The following NBAS variants were observed in gnomAD, a reference collection of about 807,000 sequenced individuals.
NBAS encodes NBAS subunit of NRZ tethering complex.
NBAS carries 219 observed loss-of-function variants against 302.5 expected under a neutral mutation model. The observed-to-expected ratio is 0.72, with a 90% confidence interval of 0.65 to 0.81. NBAS has a LOEUF of 0.81. Ranked by LOEUF, NBAS falls within the 30% of genes least tolerant of loss-of-function variation. The pLI is 0.00. For synonymous variants in NBAS, 1,118 were observed against 1,021.6 expected, an observed-to-expected ratio of 1.09 and a Z score of -1.80; for missense variants, 2,932 against 2,841.6, an observed-to-expected ratio of 1.03 and a Z score of -0.72.
At chr2:15,113,199 G>T in the NBAS span, among the ~76,000 whole-genome samples, 1 of 151,970 alleles carries the variant, frequency 6.6e-6, no homozygotes, top group Non-Finnish European at 1.5e-5. Context: ...GGGGTAGGGG[G>T]GCCTTGAGAA....
chr2:15,227,262 G>T (rs1379437492), intron 47 of NBAS, among the ~76,000 whole-genome samples: 1 of 151,956 alleles, frequency 6.6e-6, no homozygotes, highest in Non-Finnish European at 1.5e-5. Flanking sequence ...TTACAAGTCA[G>T]CTGTGAAAAA....
At chr2:15,243,129 G>C (rs1667936159) in intron 44 of NBAS, among the ~76,000 whole-genome samples, 1 of 152,136 alleles carries the variant, frequency 6.6e-6, no homozygotes, top group African/African-American at 2.4e-5. Context: ...AAAGAGCACT[G>C]CAACGGTTCT....
intron 28 of NBAS, among the ~76,000 whole-genome samples, chr2:15,384,267 G>A (rs1675182162): frequency 6.6e-6 from 1 of 152,172 alleles, no homozygotes; most frequent in Non-Finnish European, 1.5e-5. Context: ...TTCACCCATA[G>A]TCACAAATTG....
the NBAS span, among the ~76,000 whole-genome samples, chr2:14,888,599 T>A: frequency 6.6e-6 from 1 of 152,194 alleles, no homozygotes; most frequent in Admixed American, 6.5e-5. Context: ...ATTTTTTTAA[T>A]ATCAACACTG....
At chr2:15,209,964 A>G (rs1305126138) in intron 48 of NBAS, among the ~76,000 whole-genome samples, 1 of 152,166 alleles carries the variant, frequency 6.6e-6, no homozygotes, top group Non-Finnish European at 1.5e-5. Flanking sequence ...ACCATATATA[A>G]AAATCAAATC....
intron 48 of NBAS, among the ~76,000 whole-genome samples, chr2:15,214,924 T>G (rs1244110130): frequency 6.6e-6 from 1 of 152,168 alleles, no homozygotes; most frequent in East Asian, 1.9e-4. Context: ...AATTCAGACA[T>G]ACTGAAATTT....
chr2:15,372,261 T>C (rs1202578618), intron 31 of NBAS, among the ~76,000 whole-genome samples: 32 of 152,110 alleles, frequency 2.1e-4, no homozygotes, highest in Non-Finnish European at 2.9e-5. Context: ...GAAAAGCATA[T>C]ACATATACAC....
At chr2:15,361,083 T>C (rs1051577449) in intron 32 of NBAS, among the ~76,000 whole-genome samples, 5 of 152,244 alleles carry the variant, frequency 3.3e-5, no homozygotes, top group Non-Finnish European at 7.3e-5. Flanking sequence ...TAACGTGTTA[T>C]AACGGCTGAT....
At chr2:15,165,289 G>C (rs1572381275), downstream of NBAS, among the ~76,000 whole-genome samples, 1 of 152,328 alleles carries the variant, frequency 6.6e-6, no homozygotes, top group East Asian at 1.9e-4. Flanking sequence ...AGAGCTCTAG[G>C]AAGCTTTTTT....
the NBAS span, among the ~76,000 whole-genome samples, chr2:15,130,141 A>G: frequency 6.6e-6 from 1 of 152,200 alleles, no homozygotes; most frequent in African/African-American, 2.4e-5. Flanking sequence ...AAATTCAATT[A>G]TAGAAGATGT....
At chr2:15,402,851 A>G (rs1465659436) in intron 25 of NBAS, among the ~76,000 whole-genome samples, 3 of 152,192 alleles carry the variant, frequency 2.0e-5, no homozygotes, top group Non-Finnish European at 4.4e-5. Flanking sequence ...ACTTAGGGTG[A>G]CTTTCTGTAT....
At chr2:15,119,529 C>T in the NBAS span, among the ~76,000 whole-genome samples, 38 of 152,038 alleles carry the variant, frequency 2.5e-4, no homozygotes, top group African/African-American at 8.0e-4. Flanking sequence ...CTAGTAGAGA[C>T]GGGGTTTCAC....
At chr2:15,544,932 A>T (rs950781212) in intron 6 of NBAS, among the ~76,000 whole-genome samples, 2 of 151,918 alleles carry the variant, frequency 1.3e-5, no homozygotes, top group Admixed American at 6.6e-5. Context: ...AACTGCTTGA[A>T]CCCAGGAGGT....
chr2:14,803,044 A>G, the NBAS span, among the ~76,000 whole-genome samples: 9 of 152,296 alleles, frequency 5.9e-5, no homozygotes, highest in East Asian at 1.7e-3. Flanking sequence ...TATAATAAAA[A>G]AAATAAAAAT....
intron 29 of NBAS, among the ~76,000 whole-genome samples, chr2:15,380,397 A>G (rs1323368397): frequency 2.6e-5 from 4 of 152,148 alleles, no homozygotes; most frequent in Admixed American, 2.6e-4. Context: ...AATTTCTTAA[A>G]AGAAAAATCT....
At chr2:15,374,246 A>T (rs1674626490) in intron 31 of NBAS, among the ~76,000 whole-genome samples, 1 of 152,242 alleles carries the variant, frequency 6.6e-6, no homozygotes, top group Non-Finnish European at 1.5e-5. Flanking sequence ...AATCTATGCA[A>T]TGGAAACAAA....
the NBAS span, among the ~76,000 whole-genome samples, chr2:15,045,368 T>C: frequency 6.6e-6 from 1 of 152,210 alleles, no homozygotes; most frequent in Non-Finnish European, 1.5e-5. Context: ...GCAGTAACTT[T>C]CCAAACCACC....
chr2:15,468,098 T>C lies in NBAS; in HGVS notation c.1877+284A>G, dbSNP rs1297816330. 3.9e-5 allele frequency among the ~76,000 whole-genome samples: 6 copies of C among 152,312 alleles called. No homozygotes were observed. The East Asian group carries it at 1.2e-3, about 29-fold the overall frequency. The stretch of plus-strand genomic sequence containing the variant: ...TGTAAAGCAGCCTATGCTGAAAATG[T>C]CCACAGAGTTTGCTATTTGAATCAC... On this transcript the variant is annotated intron_variant, in intron 17 of 51. Coordinates refer to ENST00000281513, the MANE Select transcript of NBAS (RefSeq NM_015909.4).
intron 38 of NBAS, among the ~76,000 whole-genome samples, chr2:15,324,049 A>C (rs540458796): frequency 6.6e-6 from 1 of 152,290 alleles, no homozygotes; most frequent in Admixed American, 6.5e-5. Flanking sequence ...AATTGGATCG[A>C]GTAAAGGGCA....
Sources: gnomAD v4.1 joint callset for allele counts (sites outside exome capture counted in the v4.1 genomes callset) on GRCh38, gnomAD v4.1.1 for gene constraint, MANE v1.5 for transcripts, NCBI Gene and HGNC (gene_info 2026-07-23, HGNC 2026-07-21) for gene names.